The following TMEM163 variants were observed in gnomAD, a reference collection of about 807,000 sequenced individuals.
TMEM163 encodes the protein transmembrane protein 163.
A neutral mutation model predicts 29.3 loss-of-function variants in TMEM163; 17 were observed. That is an observed-to-expected ratio of 0.58 (90% CI 0.40 to 0.87). TMEM163 has a LOEUF of 0.87. TMEM163 is among the 40% of genes least tolerant of loss of function. TMEM163 has a pLI of 0.00. For synonymous variants in TMEM163, 157 were observed against 160.6 expected (o/e 0.98, Z 0.17); for missense variants, 303 against 381.5 (o/e 0.79, Z 1.71).
intron 2 of TMEM163, among the ~76,000 whole-genome samples, chr2:134,657,315 A>G (rs1277866050): frequency 6.6e-6 from 1 of 152,208 alleles, no homozygotes; most frequent in East Asian, 1.9e-4. Flanking sequence ...TTCCTGACTC[A>G]GTCTTGGCAA....
chr2:134,517,383 T>G (rs559946618), intron 4 of TMEM163, among the ~76,000 whole-genome samples: 48 of 152,264 alleles, frequency 3.2e-4, no homozygotes, highest in Middle Eastern at 3.4e-3. Flanking sequence ...AATAGAGAGC[T>G]GGAGACAGTC....
intron 2 of TMEM163, among the ~76,000 whole-genome samples, chr2:134,582,146 T>C (rs1681709605): frequency 6.6e-6 from 1 of 152,136 alleles, no homozygotes; most frequent in African/African-American, 2.4e-5. Context: ...CCATGTGCTA[T>C]GGGAAGATGC....
intron 5 of TMEM163, among the ~76,000 whole-genome samples, chr2:134,489,579 A>AG (rs1264283898): frequency 9.9e-5 from 15 of 152,030 alleles, no homozygotes; most frequent in Middle Eastern, 3.4e-3. Flanking sequence ...CTCTCTCAAA[A>AG]AAAAAAAAAA....
intron 2 of TMEM163, among the ~76,000 whole-genome samples, chr2:134,647,636 A>G (rs1016560034): frequency 1.2e-4 from 18 of 152,230 alleles, no homozygotes; most frequent in Admixed American, 1.0e-3. Context: ...GACAGATCAA[A>G]ACCACATCAC....
At chr2:134,687,439 T>A (rs1257233706) in intron 2 of TMEM163, among the ~76,000 whole-genome samples, 1 of 152,178 alleles carries the variant, frequency 6.6e-6, no homozygotes, top group Non-Finnish European at 1.5e-5. Flanking sequence ...AAAATCAATG[T>A]TAAAATATGT....
chr2:134,706,463 T>A (rs1684814796), intron 2 of TMEM163, among the ~76,000 whole-genome samples: 1 of 151,882 alleles, frequency 6.6e-6, no homozygotes, highest in Non-Finnish European at 1.5e-5. Flanking sequence ...TGCACATGAG[T>A]GCCGAAAGCA....
At chr2:134,543,375 C>A (rs369694717) in intron 4 of TMEM163, among the ~76,000 whole-genome samples, 23 of 152,292 alleles carry the variant, frequency 1.5e-4, no homozygotes, top group African/African-American at 5.3e-4. Flanking sequence ...GTTATTTATT[C>A]TTCTAGTTCA....
At chr2:134,661,721 A>T (rs59583311) in intron 2 of TMEM163, among the ~76,000 whole-genome samples, 16,247 of 152,024 alleles carry the variant, frequency 0.11, 1,052 homozygotes, top group African/African-American at 0.17. Context: ...TTTACACATT[A>T]TGCAAATGTA....
Position 134,717,804 on chromosome 2 carries a change from G to C in TMEM163, c.202+930C>G, listed in dbSNP as rs112644971. 1.5e-3 allele frequency among the ~76,000 whole-genome samples: 234 copies of C among 152,348 alleles called. 1 individual carries two copies. The highest frequency in any genetic ancestry group is 5.5e-3 in the African/African-American group (227 of 41,578). ...TTCAGCAAGAAGTAGAAAAGGTGCA[G>C]ACGCGGCCAAGAACAGGGCTCCCTC... On this transcript the variant is annotated intron_variant, in intron 1 of 7. Transcript: ENST00000281924.
At chr2:134,649,729 T>C (rs1360370918) in intron 2 of TMEM163, among the ~76,000 whole-genome samples, 2 of 152,102 alleles carry the variant, frequency 1.3e-5, no homozygotes, top group Non-Finnish European at 2.9e-5. Context: ...ATGCAGCCTA[T>C]ATAGGCTGAG....
At chr2:134,697,187 C>T (rs986656228) in intron 2 of TMEM163, among the ~76,000 whole-genome samples, 8 of 152,026 alleles carry the variant, frequency 5.3e-5, no homozygotes, top group African/African-American at 7.2e-5. Context: ...TTTTTTCCTC[C>T]CCAATCCATA....
At chr2:134,575,596 C>T (rs1484005867) in intron 2 of TMEM163, among the ~76,000 whole-genome samples, 1 of 152,096 alleles carries the variant, frequency 6.6e-6, no homozygotes, top group Admixed American at 6.5e-5. Flanking sequence ...ATGTGTCACT[C>T]GCCACACGGA....
intron 2 of TMEM163, among the ~76,000 whole-genome samples, chr2:134,577,685 G>A (rs1681590463): frequency 6.6e-6 from 1 of 152,034 alleles, no homozygotes; most frequent in Non-Finnish European, 1.5e-5. Flanking sequence ...ATCTCAGCTG[G>A]GAGGCATTTC....
intron 6 of TMEM163, 154 bp from the exon 7 acceptor site, chr2:134,458,327 A>C: frequency 1.2e-6 from 1 of 816,450 alleles, no homozygotes; most frequent in Non-Finnish European, 1.9e-6. Flanking sequence ...GGGCCCATCA[A>C]GTCTCTGCTC....
intron 4 of TMEM163, among the ~76,000 whole-genome samples, chr2:134,549,101 G>GT (rs201631594): frequency 7.4e-5 from 8 of 108,124 alleles, no homozygotes; most frequent in African/African-American, 3.0e-4. Flanking sequence ...TTCTTAATTT[G>GT]TTAAAAAAAA....
chr2:134,665,073 AT>A (rs1342825774), intron 2 of TMEM163, among the ~76,000 whole-genome samples: 1 of 152,004 alleles, frequency 6.6e-6, no homozygotes, highest in African/African-American at 2.4e-5. Flanking sequence ...ATTTGTGGTA[AT>A]TTCTAACAAC....
chr2:134,644,070 CAGT>C (rs1305928069), intron 2 of TMEM163, among the ~76,000 whole-genome samples: 2 of 151,964 alleles, frequency 1.3e-5, no homozygotes, highest in Non-Finnish European at 2.9e-5. Flanking sequence ...TGTGCAGTAA[CAGT>C]ATGCTGAAAA....
intron 2 of TMEM163, among the ~76,000 whole-genome samples, chr2:134,654,109 T>G (rs1409822913): frequency 1.1e-5 from 1 of 90,364 alleles, no homozygotes; most frequent in Non-Finnish European, 2.3e-5. Flanking sequence ...CCTTGTTGAC[T>G]TTCTGTCTCG....
intron 4 of TMEM163, among the ~76,000 whole-genome samples, chr2:134,504,789 C>A (rs191475874): frequency 1.3e-5 from 2 of 152,154 alleles, no homozygotes; most frequent in African/African-American, 4.8e-5. Context: ...TGTGACAGTG[C>A]GCCTGGGGCT....
Sources: allele counts gnomAD v4.1 joint callset (sites outside exome capture counted in the v4.1 genomes callset), GRCh38; gene constraint gnomAD v4.1.1; transcripts MANE v1.5; gene names NCBI Gene and HGNC (gene_info 2026-07-23, HGNC 2026-07-21).